The following ANK1 variants were observed in gnomAD, a reference collection of about 807,000 sequenced individuals.
ANK1 encodes the protein ankyrin 1, also known as ankyrin-1.
ANK1 carries 51 observed loss-of-function variants against 210.4 expected under a neutral mutation model. That is an observed-to-expected ratio of 0.24 (90% CI 0.19 to 0.31). The LOEUF (loss-of-function observed/expected upper bound fraction) is 0.31, where lower values mean the gene tolerates loss of function less well. Ranked by LOEUF, ANK1 falls within the 10% of genes least tolerant of loss-of-function variation. The pLI, the probability that ANK1 is intolerant of heterozygous loss-of-function variation, is 1.00. For synonymous variants in ANK1, 967 were observed against 1,025.9 expected (o/e 0.94, Z 1.10); for missense variants, 2,051 against 2,504.4 (o/e 0.82, Z 3.86).
At chr8:41,788,930 C>CT (rs1349926704) in intron 1 of ANK1, 1 of 152,292 alleles carries the variant, frequency 6.6e-6, no homozygotes, top group African/African-American at 2.4e-5. Flanking sequence ...TCCACCCCAC[C>CT]TGTCCCTCAA....
rs1028088529 is a variant in ANK1, at chr8:41,715,693, C to G, written c.1561G>C (p.Ala521Pro). The change falls in exon 14 of 43, where the codon GCC becomes CCC. Residue 521 changes from alanine to proline, a missense_variant. By Grantham distance (27) the Ala-to-Pro change is conservative. Transcript: ENST00000289734. ...TGGGATGCTTCCTTTTCCAGAAGGG[C>G]CAGGACTGTTTCCACATGGCCCTCA... is the stretch of plus-strand genomic sequence containing the variant. ...AREGHVETVL[A>P]LLEKEASQAC... is the part of the protein sequence containing the mutation. 1.4e-5 allele frequency: 23 copies of G among 1,613,948 alleles called. No homozygotes were observed. The highest frequency in any genetic ancestry group is 1.0e-4 in the Admixed American group (6 of 60,014).
Position 41,715,072 on chromosome 8 carries a change from T to C in ANK1, c.1605A>G (p.Lys535=), listed in dbSNP as rs561616495. The change falls in exon 15 of 43, where the codon AAA becomes AAG. Residue 535 remains lysine (K), a splice_region_variant and synonymous_variant. Transcript: ENST00000289734. ...KEASQACMTK[K]GFTPLHVAAK... ...CCGCCACGTGCAGAGGGGTAAATCC[T>C]TTCTGAGGAGAAACAGGCTGTCAGG... is the stretch of plus-strand genomic sequence containing the variant. 5.4e-5 allele frequency: 87 copies of C among 1,614,082 alleles called. No homozygotes were observed. The South Asian group carries it at 9.1e-4, about 17-fold the overall frequency.
chr8:41,887,271 CAG>C (rs34427741), intron 1 of ANK1, among the ~76,000 whole-genome samples: 8,465 of 102,024 alleles, frequency 0.083, 442 homozygotes, highest in East Asian at 0.27. Flanking sequence ...TTTTTAGAGA[CAG>C]AGTCTCATTC....
rs1805135787 is a variant in ANK1 at position 41,825,094 on chromosome 8, G to T, written c.127-66957C>A. The stretch of plus-strand genomic sequence containing the variant: ...GCCACAACGGGAGGGAAGTCCTTGG[G>T]GCTGAGCCCGGCTACTTCCAGGTGG... On this transcript the variant is annotated intron_variant, in intron 1 of 42. Transcript: ENST00000265709. Among the ~76,000 whole-genome samples the T allele has an allele frequency of 2.0e-5, 3 of 152,328 alleles. No individual in the cohort carries two copies. In the South Asian group the frequency reaches 6.2e-4, roughly 32 times the overall value.
intron 1 of ANK1, among the ~76,000 whole-genome samples, chr8:41,808,771 T>C (rs1261010883): frequency 6.6e-6 from 1 of 152,222 alleles, no homozygotes; most frequent in Non-Finnish European, 1.5e-5. Context: ...TTTTTTTTGC[T>C]AATTTAAACG....
chr8:41,884,526 G>A (rs1818112513), intron 1 of ANK1, among the ~76,000 whole-genome samples: 1 of 152,066 alleles, frequency 6.6e-6, no homozygotes, highest in Non-Finnish European at 1.5e-5. Flanking sequence ...GCTTCCTGGA[G>A]GAGGTGAAGC....
Position 41,839,372 on chromosome 8 carries a change from T to A in ANK1, c.126+56983A>T, listed in dbSNP as rs79932945. 4.5e-3 allele frequency among the ~76,000 whole-genome samples: 678 copies of A among 152,302 alleles called. 3 individuals are homozygous for A. The highest frequency in any genetic ancestry group is 0.028 in the East Asian group (144 of 5,182). On this transcript the variant is annotated intron_variant, in intron 1 of 42. Transcript: ENST00000265709. ...AGGTTCCCTGGCTGTTGGTGGCAGATCTGGGATATAAACCCACTCTCCGCC... is the reference window on the plus strand; with the variant it reads ...AGGTTCCCTGGCTGTTGGTGGCAGAACTGGGATATAAACCCACTCTCCGCC...
intron 2 of ANK1, among the ~76,000 whole-genome samples, chr8:41,750,417 G>A: frequency 6.6e-6 from 1 of 152,204 alleles, no homozygotes; most frequent in East Asian, 1.9e-4. Flanking sequence ...CAGCATCTGA[G>A]CCATGCTTAT....
At chr8:41,797,683 C>T (rs1344032134), upstream of ANK1, 4 of 1,297,714 alleles carry the variant, frequency 3.1e-6, no homozygotes, top group Admixed American at 3.4e-5. The surrounding 1 kb of genome is among the most constrained non-coding windows in gnomAD (Gnocchi z 4.0). Flanking sequence ...GAGGCGCTTG[C>T]TGTCGGGCCG....
intron 1 of ANK1, among the ~76,000 whole-genome samples, chr8:41,785,346 C>A (rs188926010): frequency 3.5e-4 from 54 of 152,288 alleles, no homozygotes; most frequent in Middle Eastern, 3.4e-3. Flanking sequence ...GGTGACAGAG[C>A]AAGACCCTGT....
intron 23 of ANK1, 22 bp from the exon 24 acceptor site, chr8:41,698,143 A>T (rs1350740493): frequency 2.5e-6 from 4 of 1,612,796 alleles, no homozygotes; most frequent in Non-Finnish European, 2.5e-6. Flanking sequence ...GAACACCAGA[A>T]CATCACAGGG....
At chr8:41,717,770 G>T in intron 11 of ANK1, 68 bp from the exon 12 acceptor site, 1 of 1,313,636 alleles carries the variant, frequency 7.6e-7, no homozygotes, top group Non-Finnish European at 1.1e-6. Flanking sequence ...GAGAGAACCT[G>T]ACAGTATCTA....
intron 1 of ANK1, among the ~76,000 whole-genome samples, chr8:41,873,076 GCTCATTCCACCTGAGCTCT>G (rs1815871209): frequency 6.6e-6 from 1 of 152,218 alleles, no homozygotes; most frequent in African/African-American, 2.4e-5. Context: ...CTCGTCTCCT[GCTCATTCCACCTGAGCTCT>G]CTCCCCATTA....
intron 22 of ANK1, among the ~76,000 whole-genome samples, chr8:41,700,050 C>G (rs1489948772): frequency 3.3e-5 from 5 of 152,264 alleles, no homozygotes; most frequent in Non-Finnish European, 7.3e-5. Flanking sequence ...ACACCTCTGA[C>G]TGCCTCTTTG....
intron 15 of ANK1, 63 bp downstream of exon 15, chr8:41,714,913 T>C (rs938539786): frequency 2.0e-6 from 3 of 1,482,666 alleles, no homozygotes; most frequent in Admixed American, 1.7e-5. Flanking sequence ...CAAGTGCTGA[T>C]GTCCATCCTC....
intron 1 of ANK1, among the ~76,000 whole-genome samples, chr8:41,895,912 G>A (rs1036731077): frequency 1.3e-5 from 2 of 150,280 alleles, no homozygotes; most frequent in African/African-American, 2.5e-5. Context: ...CCCCCCCCCG[G>A]CCCGCTCCCC....
chr8:41,766,855 C>T (rs1841898244), intron 1 of ANK1, among the ~76,000 whole-genome samples: 1 of 152,222 alleles, frequency 6.6e-6, no homozygotes, highest in African/African-American at 2.4e-5. Flanking sequence ...TGGGGGCCTC[C>T]GGGCGCCTCA....
At chr8:41,738,972 G>A (rs1049273941) in intron 2 of ANK1, among the ~76,000 whole-genome samples, 12 of 152,178 alleles carry the variant, frequency 7.9e-5, no homozygotes, top group Admixed American at 5.9e-4. Context: ...ATTAGAAGCT[G>A]GGGAGAAAAG....
chr8:41,765,591 G>A (rs753150451), intron 1 of ANK1, among the ~76,000 whole-genome samples: 1 of 152,082 alleles, frequency 6.6e-6, no homozygotes, highest in African/African-American at 2.4e-5. Context: ...GTTCAGCTCT[G>A]GCTGGAGAAA....
Sources: allele counts gnomAD v4.1 joint callset (sites outside exome capture counted in the v4.1 genomes callset), GRCh38; gene constraint gnomAD v4.1.1; non-coding constraint Gnocchi (gnomAD v3.1); transcripts MANE v1.5; gene names NCBI Gene and HGNC (gene_info 2026-07-23, HGNC 2026-07-21).